The following SH2B1 variants were observed in gnomAD, a reference collection of about 807,000 sequenced individuals.
SH2B1 encodes the protein SH2B adaptor protein 1.
SH2B1 carries 15 observed loss-of-function variants against 62.6 expected under a neutral mutation model. That is an observed-to-expected ratio of 0.24 (90% CI 0.16 to 0.37). The LOEUF (loss-of-function observed/expected upper bound fraction) is 0.37. SH2B1 is among the 10% of genes least tolerant of loss of function. The pLI, the probability that SH2B1 is intolerant of heterozygous loss-of-function variation, is 1.00. For synonymous variants in SH2B1, 443 were observed against 438.0 expected, an observed-to-expected ratio of 1.01 and a Z score of -0.14; for missense variants, 925 against 1,015.6, an observed-to-expected ratio of 0.91 and a Z score of 1.21.
rs897988001 is a variant in SH2B1, at chr16:28,873,282, C to G, written c.1898-165C>G. 1 of 1,602,718 alleles carries G rather than the reference C, an allele frequency of 6.2e-7. No individual in the cohort carries two copies. The highest frequency in any genetic ancestry group is 8.5e-7 in the Non-Finnish European group (1 of 1,174,912). The stretch of plus-strand genomic sequence containing the variant: ...CGAGTGACTGTGTGTAAGTGTGGTC[C>G]TCCTCTCACCACCGCCCATGATCCA... On this transcript the variant is annotated intron_variant, in intron 7 of 7. Coordinates refer to ENST00000684370, the MANE Select transcript of SH2B1 (RefSeq NM_001387430.1). The surrounding 1 kb of genome is among the most constrained non-coding windows in gnomAD (Gnocchi z 4.2).
Position 28,867,346 on chromosome 16 carries a change from C to T in SH2B1, c.955C>T (p.Leu319Phe). 1 of 1,614,098 alleles carries T rather than the reference C, an allele frequency of 6.2e-7. No homozygotes were observed. Among genetic ancestry groups the T allele is most frequent in the Non-Finnish European group, 8.5e-7 (1 of 1,179,946 alleles). Residue 319 changes from leucine (L) to phenylalanine (F), a missense_variant, in exon 2 of 8, where the codon CTC (leucine) becomes TTC (phenylalanine). Transcript: ENST00000684370. ...FVPPKASRPR[L>F]SIPCSSITDV... ...CCTGACTTAGGCCTCTCGGCCCCGA[C>T]TCAGCATCCCCTGCTCTTCTATCAC...
intron 4 of SH2B1, among the ~76,000 whole-genome samples, chr16:28,871,237 C>T (rs1033325591): frequency 1.3e-5 from 2 of 152,120 alleles, no homozygotes; most frequent in Admixed American, 6.6e-5. Context: ...AGGCTGCTCT[C>T]GAACTCCTAA....
At chr16:28,870,570 G>C (rs547449808) in intron 4 of SH2B1, among the ~76,000 whole-genome samples, 15 of 152,252 alleles carry the variant, frequency 9.9e-5, no homozygotes, top group African/African-American at 3.4e-4. Flanking sequence ...GGGAGTAATA[G>C]AAGGAGCATC....
chr16:28,871,945 C>A lies in SH2B1; in HGVS notation c.1475C>A (p.Ala492Asp). ...PPTGTVHPLSAPYPPLDTPET... is the reference protein window; with the variant it reads ...PPTGTVHPLSDPYPPLDTPET... The stretch of plus-strand genomic sequence containing the variant: ...ACAGGGACAGTTCATCCCCTCTCAG[C>A]CCCCTACCCTCCCTTGGACACTCCG... The change falls in exon 5 of 8, where the codon GCC (alanine) becomes GAC (aspartate). Residue 492 changes from alanine (A) to aspartate (D), a missense_variant. Transcript: ENST00000684370. The A allele has an allele frequency of 6.2e-7, 1 of 1,608,092 alleles. No individual in the cohort carries two copies. Among genetic ancestry groups the A allele is most frequent in the Non-Finnish European group, 8.5e-7 (1 of 1,175,010 alleles).
chr16:28,854,278 G>C (rs1016933750), intron 1 of SH2B1, among the ~76,000 whole-genome samples: 1 of 152,020 alleles, frequency 6.6e-6, no homozygotes, highest in Non-Finnish European at 1.5e-5. Flanking sequence ...TTCAGCATGG[G>C]TGACAGAGCA....
chr16:28,870,994 C>CGTGT (rs35079060), intron 4 of SH2B1, among the ~76,000 whole-genome samples: 1,917 of 141,502 alleles, frequency 0.014, 17 homozygotes, highest in East Asian at 0.019. Flanking sequence ...GCCAGAATTC[C>CGTGT]GTGTGTGTGT....
intron 1 of SH2B1, among the ~76,000 whole-genome samples, chr16:28,852,891 C>CAT (rs1427725715): frequency 1.3e-4 from 8 of 61,490 alleles, no homozygotes; most frequent in East Asian, 3.6e-4. Flanking sequence ...TATATATTTA[C>CAT]ATATATTTTT....
intron 1 of SH2B1, among the ~76,000 whole-genome samples, chr16:28,854,628 C>T (rs1202111364): frequency 6.6e-6 from 1 of 152,024 alleles, no homozygotes; most frequent in Non-Finnish European, 1.5e-5. Flanking sequence ...TGGTAGTGCA[C>T]CCCTGGAGTC....
chr16:28,856,528 C>G (rs1378432958), intron 1 of SH2B1, among the ~76,000 whole-genome samples: 4 of 152,064 alleles, frequency 2.6e-5, no homozygotes, highest in African/African-American at 4.8e-5. Context: ...ATGATGATCT[C>G]TAAGATTTCT....
chr16:28,859,876 C>CT (rs1017739794), upstream of SH2B1, among the ~76,000 whole-genome samples: 5 of 112,206 alleles, frequency 4.5e-5, no homozygotes, highest in Non-Finnish European at 8.3e-5. Context: ...AGACCCCCCC[C>CT]CCCCGGCTGT....
rs1434182006 is a variant in SH2B1 at position 28,872,123 on chromosome 16, T to G, written c.1514-67T>G. 6.6e-7 allele frequency: 1 copy of G among 1,518,800 alleles called. No individual in the cohort carries two copies. Among genetic ancestry groups the G allele is most frequent in the African/African-American group, 1.4e-5 (1 of 72,070 alleles). The allele number at this position is 1,518,800 out of a possible 1,614,324, so 94.1% of individuals were successfully genotyped here. ...AGGCGCCTTGAGGGGAAGGCAAGGC[T>G]TTTTTCTCCCAGGATGGGGGAGGCT... On this transcript the variant is annotated intron_variant, in intron 5 of 7. Transcript: ENST00000684370. The surrounding 1 kb of genome is among the most constrained non-coding windows in gnomAD (Gnocchi z 5.3).
At chr16:28,857,391 C>T (rs1962342879) in intron 1 of SH2B1, among the ~76,000 whole-genome samples, 1 of 144,244 alleles carries the variant, frequency 6.9e-6, no homozygotes, top group African/African-American at 2.6e-5. Flanking sequence ...ACAAGAATGG[C>T]TCATAATGGG....
chr16:28,852,703 CATAT>C lies in SH2B1; in HGVS notation c.-301+5881_-301+5884del, dbSNP rs1237095579. On this transcript the variant is annotated intron_variant, in intron 1 of 10. Transcript: ENST00000322610. ...ATTTACATATATATTTATATATATACATATATATTTACATATATATTTATATATA... is the reference window on the plus strand; with the variant it reads ...ATTTACATATATATTTATATATATACATATTTACATATATATTTATATATA... Among the ~76,000 whole-genome samples the C allele has an allele frequency of 6.5e-3, 271 of 41,630 alleles. 35 individuals carry two copies. The highest frequency in any genetic ancestry group is 0.026 in the African/African-American group (219 of 8,540). 27.3% of individuals were successfully genotyped at this position (41,630 alleles called of 152,430 possible).
chr16:28,863,349 AG>A (rs1962515802), upstream of SH2B1: 1 of 257,778 alleles, frequency 3.9e-6, no homozygotes, highest in Non-Finnish European at 7.5e-6. Context: ...CAAGGTCGTA[AG>A]TTCAGGCTCC....
At chr16:28,852,396 A>ATATATATTTACATATATATT (rs1249977622) in intron 1 of SH2B1, among the ~76,000 whole-genome samples, 1 of 26,294 alleles carries the variant, frequency 3.8e-5, no homozygotes, top group African/African-American at 2.7e-4. Context: ...ATATATATAC[A>ATATATATTTACATATATATT]TATATATTTA....
intron 1 of SH2B1, among the ~76,000 whole-genome samples, chr16:28,847,758 G>A (rs1596606181): frequency 6.6e-6 from 1 of 151,252 alleles, no homozygotes; most frequent in Admixed American, 6.6e-5. Flanking sequence ...GTTCAAGGCT[G>A]TGGTGAGGTA....
chr16:28,871,575 C>T (rs954025031), intron 4 of SH2B1, among the ~76,000 whole-genome samples: 4 of 152,222 alleles, frequency 2.6e-5, no homozygotes, highest in African/African-American at 9.7e-5. Context: ...AACCTCCTTG[C>T]AATAACTCTG....
intron 4 of SH2B1, among the ~76,000 whole-genome samples, chr16:28,869,819 CACACACAA>C (rs1420637756): frequency 6.6e-6 from 1 of 152,188 alleles, no homozygotes; most frequent in Non-Finnish European, 1.5e-5. Flanking sequence ...ACCCGACCCA[CACACACAA>C]ACACACAAAG....
upstream of SH2B1, chr16:28,863,569 C>T (rs1962523675): frequency 9.3e-7 from 1 of 1,071,544 alleles, no homozygotes; most frequent in Non-Finnish European, 1.3e-6. Flanking sequence ...AAGGCCGGTT[C>T]TCTATGGTCG....
Sources: gnomAD v4.1 joint callset for allele counts (sites outside exome capture counted in the v4.1 genomes callset) on GRCh38, gnomAD v4.1.1 for gene constraint, Gnocchi (gnomAD v3.1) non-coding constraint, MANE v1.5 for transcripts, NCBI Gene and HGNC (gene_info 2026-07-23, HGNC 2026-07-21) for gene names.